Variants in IL1RAPL2 observed in about 807,000 individuals in gnomAD.
IL1RAPL2 encodes the protein interleukin 1 receptor accessory protein like 2, also known as X-linked interleukin-1 receptor accessory protein-like 2.
IL1RAPL2 carries 3 observed loss-of-function variants against 44.1 expected under a neutral mutation model. The ratio of observed to expected loss-of-function variants is 0.07; its 90% confidence interval spans 0.03 to 0.18. The LOEUF is 0.18. Among genes scored for constraint, IL1RAPL2 ranks in the 10% least tolerant of loss-of-function variants. IL1RAPL2 has a pLI of 1.00. For synonymous variants in IL1RAPL2, 181 were observed against 178.8 expected (o/e 1.01, Z -0.10); for missense variants, 391 against 496.4 (o/e 0.79, Z 2.02).
At chrX:104,765,764 G>T (rs1365062263) in intron 2 of IL1RAPL2, among the ~76,000 whole-genome samples, 1 of 111,920 alleles carries the variant, frequency 8.9e-6, no homozygotes, top group East Asian at 2.8e-4. Flanking sequence ...TAAAATGACT[G>T]CAGTGTCTTG....
In IL1RAPL2 at chrX:105,670,146, T is replaced by TATATATATATATA. The variant is rs1301114173; in HGVS notation, c.773-47219_773-47218insATATATATATAAT. ...ATATATATATATATATATATATATA[T>TATATATATATATA]ATCTCCACCAGACCACACAGTCTTG... is the stretch of plus-strand genomic sequence containing the variant. On this transcript the variant is annotated intron_variant, in intron 6 of 10. Transcript: ENST00000372582. Among the ~76,000 whole-genome samples, 403 of 46,292 alleles carry TATATATATATATA rather than the reference T, an allele frequency of 8.7e-3. 51 individuals are homozygous for TATATATATATATA. The highest frequency in any genetic ancestry group is 9.9e-3 in the Non-Finnish European group (220 of 22,276). 40.2% of individuals were successfully genotyped at this position (46,292 alleles called of 115,157 possible). A position where few individuals can be genotyped will look rare whatever the true frequency, so the allele number is the denominator to read the frequency against.
intron 10 of IL1RAPL2, among the ~76,000 whole-genome samples, chrX:105,761,220 TACACACACAC>T (rs113089380): frequency 1.4e-4 from 12 of 84,128 alleles, no homozygotes; most frequent in East Asian, 1.2e-3. Flanking sequence ...ACTCTTCCTA[TACACACACAC>T]ACACACACAC....
chrX:105,514,273 C>G (rs2036494874), intron 6 of IL1RAPL2, among the ~76,000 whole-genome samples: 1 of 111,077 alleles, frequency 9.0e-6, no homozygotes, highest in African/African-American at 3.3e-5. Flanking sequence ...CGTTGGAACC[C>G]TGATGTTGAG....
At chrX:104,582,508 C>G (rs1482602832) in intron 1 of IL1RAPL2, among the ~76,000 whole-genome samples, 1 of 110,001 alleles carries the variant, frequency 9.1e-6, no homozygotes, top group Non-Finnish European at 1.9e-5. Context: ...CTCTCTCTCT[C>G]TCTCTTTCTT....
intron 2 of IL1RAPL2, among the ~76,000 whole-genome samples, chrX:105,046,022 A>C (rs1482108504): frequency 5.4e-5 from 6 of 111,237 alleles, no homozygotes; most frequent in Non-Finnish European, 1.1e-4. Flanking sequence ...TGAACCTCAC[A>C]CTCTTTCATG....
intron 2 of IL1RAPL2, among the ~76,000 whole-genome samples, chrX:104,918,030 A>C (rs1924514639): frequency 8.9e-6 from 1 of 111,864 alleles, no homozygotes; most frequent in Non-Finnish European, 1.9e-5. Flanking sequence ...AGGACTCCAA[A>C]AAAAATTTAT....
intron 2 of IL1RAPL2, among the ~76,000 whole-genome samples, chrX:104,859,101 G>A (rs1040939731): frequency 1.8e-5 from 2 of 110,742 alleles, no homozygotes; most frequent in African/African-American, 6.6e-5. Flanking sequence ...AGGCTACTAG[G>A]GTGTATGCTA....
intron 2 of IL1RAPL2, among the ~76,000 whole-genome samples, chrX:104,942,808 T>G (rs1159796207): frequency 9.0e-6 from 1 of 111,622 alleles, no homozygotes; most frequent in Non-Finnish European, 1.9e-5. Flanking sequence ...TTGTGCCTAT[T>G]CAGTATGATA....
chrX:105,073,400 T>A (rs1303626564), intron 2 of IL1RAPL2, among the ~76,000 whole-genome samples: 2 of 109,782 alleles, frequency 1.8e-5, no homozygotes, highest in Non-Finnish European at 3.8e-5. Flanking sequence ...CTGCATAGTA[T>A]TCCACGGTGT....
intron 2 of IL1RAPL2, among the ~76,000 whole-genome samples, chrX:105,105,832 G>A (rs1425145572): frequency 1.8e-5 from 2 of 111,866 alleles, no homozygotes; most frequent in Non-Finnish European, 3.8e-5. Context: ...CCCCCAATTC[G>A]ATATTTCATA....
At chrX:104,933,885 T>G (rs186881253) in intron 2 of IL1RAPL2, among the ~76,000 whole-genome samples, 1 of 111,429 alleles carries the variant, frequency 9.0e-6, no homozygotes, top group East Asian at 2.8e-4. Flanking sequence ...AAGCATGGGA[T>G]CAAGATAGAT....
chrX:105,421,074 A>G (rs1166116096), intron 5 of IL1RAPL2, among the ~76,000 whole-genome samples: 1 of 111,932 alleles, frequency 8.9e-6, no homozygotes, highest in Non-Finnish European at 1.9e-5. Flanking sequence ...ACATGTGCCC[A>G]TGGTGGTCAG....
chrX:104,927,045 T>G (rs938585898), intron 2 of IL1RAPL2, among the ~76,000 whole-genome samples: 3 of 112,168 alleles, frequency 2.7e-5, no homozygotes, highest in African/African-American at 9.7e-5. Context: ...TCCTTATCTA[T>G]AAATGAAAAC....
Position 105,169,492 on chromosome X carries a change from C to CTTTTTTTTTTTTTTTTTTTTTTTTTT in IL1RAPL2, c.83-25978_83-25953dup, listed in dbSNP as rs748101220. Among the ~76,000 whole-genome samples the CTTTTTTTTTTTTTTTTTTTTTTTTTT allele has an allele frequency of 1.9e-4, 8 of 41,561 alleles. 2 individuals are homozygous for CTTTTTTTTTTTTTTTTTTTTTTTTTT. Among genetic ancestry groups the CTTTTTTTTTTTTTTTTTTTTTTTTTT allele is most frequent in the African/African-American group, 9.6e-4 (7 of 7,272 alleles). 36.1% of individuals were successfully genotyped at this position (41,561 alleles called of 115,157 possible). A position where few individuals can be genotyped will look rare whatever the true frequency, so the allele number is the denominator to read the frequency against. On this transcript the variant is annotated intron_variant, in intron 2 of 10. Coordinates refer to ENST00000372582, the MANE Select transcript of IL1RAPL2 (RefSeq NM_017416.2). ...TGAGAAACTTTCAGTTTCTTTCTTT[C>CTTTTTTTTTTTTTTTTTTTTTTTTTT]TTTTTTTTTTTTTTTTTTTTTTTTT...
chrX:104,870,394 T>C (rs925768574), intron 2 of IL1RAPL2, among the ~76,000 whole-genome samples: 6 of 112,662 alleles, frequency 5.3e-5, no homozygotes, highest in Non-Finnish European at 1.1e-4. Context: ...ATAGCAGTAA[T>C]GACTAACATG....
chrX:105,359,842 TTCTC>T (rs926125702), intron 5 of IL1RAPL2, among the ~76,000 whole-genome samples: 1 of 111,172 alleles, frequency 9.0e-6, no homozygotes, highest in Non-Finnish European at 1.9e-5. Context: ...TACTCACTCT[TTCTC>T]TGTGGATTAT....
At chrX:105,354,584 C>T (rs1447128566) in intron 5 of IL1RAPL2, among the ~76,000 whole-genome samples, 20 of 110,174 alleles carry the variant, frequency 1.8e-4, no homozygotes, top group African/African-American at 6.0e-4. Flanking sequence ...CACACCAACA[C>T]GGCACATGTG....
At chrX:105,240,084 ATG>A (rs1172331349) in intron 4 of IL1RAPL2, among the ~76,000 whole-genome samples, 2 of 112,412 alleles carry the variant, frequency 1.8e-5, no homozygotes, top group African/African-American at 6.5e-5. Context: ...TATTTTAGCA[ATG>A]TACAAGTCAC....
At chrX:105,078,893 A>T (rs1327021212) in intron 2 of IL1RAPL2, among the ~76,000 whole-genome samples, 1 of 112,145 alleles carries the variant, frequency 8.9e-6, no homozygotes. Context: ...GCGCAGTATT[A>T]GGGTGGGAGT....
Sources: gnomAD v4.1 joint callset for allele counts (sites outside exome capture counted in the v4.1 genomes callset) on GRCh38, gnomAD v4.1.1 for gene constraint, MANE v1.5 for transcripts, NCBI Gene and HGNC (gene_info 2026-07-23, HGNC 2026-07-21) for gene names.